Variants in PCDH9 observed in about 807,000 individuals in gnomAD.
PCDH9 encodes the protein protocadherin 9, also known as protocadherin-9.
In PCDH9, 24 loss-of-function variants were observed where a neutral mutation model predicts 70.6. The observed-to-expected ratio is 0.34, with a 90% confidence interval of 0.25 to 0.48. The LOEUF (loss-of-function observed/expected upper bound fraction) is 0.48. PCDH9 is among the 20% of genes least tolerant of loss of function. The pLI, the probability that PCDH9 is intolerant of heterozygous loss-of-function variation, is 0.99. For synonymous variants in PCDH9, 562 were observed against 558.5 expected (o/e 1.01, Z -0.09); for missense variants, 1,281 against 1,503.6 (o/e 0.85, Z 2.45).
At chr13:66,590,166 T>C (rs2138813057) in intron 4 of PCDH9, among the ~76,000 whole-genome samples, 1 of 152,114 alleles carries the variant, frequency 6.6e-6, no homozygotes, top group African/African-American at 2.4e-5. Flanking sequence ...ATCATGTAAA[T>C]TTGTTTCATG....
rs181734983 is a variant in PCDH9 at position 67,071,572 on chromosome 13, A to C, written c.3036+153833T>G. ...AATTTATTGAAAGTTTATCAATAAA[A>C]AATTCGGAGAAATTATTCAATACTA... On this transcript the variant is annotated intron_variant, in intron 2 of 4. Coordinates refer to ENST00000377865, the MANE Select transcript of PCDH9 (RefSeq NM_203487.3). 2.3e-3 allele frequency among the ~76,000 whole-genome samples: 344 copies of C among 152,224 alleles called. 2 individuals carry two copies. The highest frequency in any genetic ancestry group is 9.3e-3 in the South Asian group (45 of 4,820).
intron 3 of PCDH9, among the ~76,000 whole-genome samples, chr13:66,793,858 C>A (rs1226376156): frequency 6.6e-6 from 1 of 152,056 alleles, no homozygotes; most frequent in Non-Finnish European, 1.5e-5. Context: ...GCTTTAATAC[C>A]TTTTAAAACA....
At chr13:66,722,789 GA>G (rs1263585151) in intron 3 of PCDH9, among the ~76,000 whole-genome samples, 1 of 151,944 alleles carries the variant, frequency 6.6e-6, no homozygotes. Flanking sequence ...CCAACATGGT[GA>G]AACCCCATCT....
chr13:67,111,713 T>A (rs1221314934), intron 2 of PCDH9, among the ~76,000 whole-genome samples: 1 of 152,144 alleles, frequency 6.6e-6, no homozygotes, highest in African/African-American at 2.4e-5. Context: ...GCATGTCAAG[T>A]CTTATTTTTG....
At chr13:66,777,781 G>T (rs1182654798) in intron 3 of PCDH9, among the ~76,000 whole-genome samples, 1 of 152,156 alleles carries the variant, frequency 6.6e-6, no homozygotes, top group Middle Eastern at 3.4e-3. Context: ...CCCATTACTG[G>T]GTATATACCC....
At position 67,023,365 on chromosome 13, in the gene PCDH9, C is replaced by T. The variant is rs1050589020; in HGVS notation, c.3037-119760G>A. 1.7e-4 allele frequency among the ~76,000 whole-genome samples: 26 copies of T among 152,264 alleles called. 1 individual carries two copies. The highest frequency in any genetic ancestry group is 5.5e-4 in the African/African-American group (23 of 41,552). ...ACATTAGCATCCTTTGTAACACAAT[C>T]GCAGGACTTCAAAGACATACCAGAA... On this transcript the variant is annotated intron_variant, in intron 2 of 4. Coordinates refer to ENST00000377865, the MANE Select transcript of PCDH9 (RefSeq NM_203487.3).
chr13:66,841,278 T>A (rs1048276032), intron 3 of PCDH9, among the ~76,000 whole-genome samples: 3 of 152,162 alleles, frequency 2.0e-5, no homozygotes, highest in Non-Finnish European at 4.4e-5. Context: ...AAAGTCTTCT[T>A]GACAAACATA....
chr13:66,412,845 G>A (rs2138327391), intron 4 of PCDH9, among the ~76,000 whole-genome samples: 1 of 152,268 alleles, frequency 6.6e-6, no homozygotes, highest in Admixed American at 6.5e-5. Flanking sequence ...ACCGGAGGCT[G>A]AATGTGGAAA....
intron 4 of PCDH9, among the ~76,000 whole-genome samples, chr13:66,382,013 C>T (rs1400464918): frequency 6.6e-6 from 1 of 151,670 alleles, no homozygotes; most frequent in Non-Finnish European, 1.5e-5. Flanking sequence ...TGTGACTTGG[C>T]ATAGATTATT....
intron 3 of PCDH9, among the ~76,000 whole-genome samples, chr13:66,850,471 A>G (rs904920557): frequency 2.6e-5 from 4 of 151,924 alleles, no homozygotes; most frequent in Non-Finnish European, 5.9e-5. Flanking sequence ...AGATTGTGCC[A>G]CTGCACTCCA....
chr13:66,525,345 A>G (rs1960167117), intron 4 of PCDH9, among the ~76,000 whole-genome samples: 1 of 152,038 alleles, frequency 6.6e-6, no homozygotes, highest in South Asian at 2.1e-4. Context: ...ATGTGTTTAG[A>G]GTTAGCACTG....
At chr13:66,929,291 CA>C (rs1566299633) in intron 2 of PCDH9, among the ~76,000 whole-genome samples, 10 of 150,952 alleles carry the variant, frequency 6.6e-5, no homozygotes, top group African/African-American at 2.2e-4. Context: ...TAACTTGTGA[CA>C]TTATTTTTTT....
At chr13:66,727,035 A>G (rs2079014534) in intron 3 of PCDH9, among the ~76,000 whole-genome samples, 1 of 152,122 alleles carries the variant, frequency 6.6e-6, no homozygotes, top group Non-Finnish European at 1.5e-5. Context: ...AATTGGGAGG[A>G]TTGCTTGAGG....
chr13:66,701,470 T>C (rs937365953), intron 3 of PCDH9, among the ~76,000 whole-genome samples: 26 of 152,208 alleles, frequency 1.7e-4, no homozygotes, highest in Non-Finnish European at 3.2e-4. Flanking sequence ...TACACATATA[T>C]ACATTTTATC....
chr13:66,523,642 C>T (rs1022128949), intron 4 of PCDH9, among the ~76,000 whole-genome samples: 2 of 151,752 alleles, frequency 1.3e-5, no homozygotes, highest in African/African-American at 4.8e-5. Context: ...CATATACAGG[C>T]TGCTCTGTAG....
chr13:66,525,089 A>G (rs867589910), intron 4 of PCDH9, among the ~76,000 whole-genome samples: 1 of 152,054 alleles, frequency 6.6e-6, no homozygotes, highest in African/African-American at 2.4e-5. Context: ...TTCTAACCTC[A>G]GCTGAATACT....
chr13:66,928,937 A>G (rs912829971), intron 2 of PCDH9, among the ~76,000 whole-genome samples: 4 of 152,126 alleles, frequency 2.6e-5, no homozygotes, highest in Non-Finnish European at 5.9e-5. Flanking sequence ...CATAGTCATG[A>G]CTGGTACAGT....
chr13:66,453,391 G>A (rs1451104685), intron 4 of PCDH9, among the ~76,000 whole-genome samples: 2 of 152,232 alleles, frequency 1.3e-5, no homozygotes, highest in East Asian at 3.9e-4. Context: ...CCTACTAGAG[G>A]TCAAATGCAT....
At chr13:66,674,619 G>A (rs10492474) in intron 3 of PCDH9, among the ~76,000 whole-genome samples, 4,860 of 151,996 alleles carry the variant, frequency 0.032, 251 homozygotes, top group African/African-American at 0.11. Context: ...TGGGAGGTCC[G>A]TCAAAGCAAT....
Sources: gnomAD v4.1 joint callset for allele counts (sites outside exome capture counted in the v4.1 genomes callset) on GRCh38, gnomAD v4.1.1 for gene constraint, MANE v1.5 for transcripts, NCBI Gene and HGNC (gene_info 2026-07-23, HGNC 2026-07-21) for gene names.